The following CCDC30 variants were observed in gnomAD, a reference collection of about 807,000 sequenced individuals.
CCDC30 encodes coiled-coil domain containing 30.
CCDC30 carries 70 observed loss-of-function variants against 100.2 expected under a neutral mutation model. The ratio of observed to expected loss-of-function variants is 0.70; its 90% CI spans 0.58 to 0.85. The LOEUF (loss-of-function observed/expected upper bound fraction) is 0.85. Among genes scored for constraint, CCDC30 ranks in the 40% least tolerant of loss-of-function variants. CCDC30 has a pLI of 0.00. For synonymous variants in CCDC30, 233 were observed against 269.5 expected, an observed-to-expected ratio of 0.86 and a Z score of 1.33; for missense variants, 652 against 771.2, an observed-to-expected ratio of 0.85 and a Z score of 1.83.
At chr1:42,650,078 G>A (rs1473115933) in intron 15 of CCDC30, among the ~76,000 whole-genome samples, 1 of 152,070 alleles carries the variant, frequency 6.6e-6, no homozygotes, top group Non-Finnish European at 1.5e-5. Flanking sequence ...ATTTTTCGTA[G>A]AAATAGAAAA....
intron 6 of CCDC30, among the ~76,000 whole-genome samples, chr1:42,506,550 A>G (rs750604454): frequency 6.6e-6 from 1 of 152,216 alleles, no homozygotes; most frequent in Non-Finnish European, 1.5e-5. Flanking sequence ...TAGAAATCCC[A>G]TACAATTTTG....
intron 6 of CCDC30, among the ~76,000 whole-genome samples, chr1:42,540,678 C>CACAT (rs966778548): frequency 8.9e-6 from 1 of 111,748 alleles, no homozygotes; most frequent in Non-Finnish European, 2.1e-5. Flanking sequence ...CATACACATA[C>CACAT]ACACACACAC....
At chr1:42,539,283 AAG>A (rs774421706) in intron 6 of CCDC30, 6 of 1,601,012 alleles carry the variant, frequency 3.7e-6, no homozygotes, top group Non-Finnish European at 5.1e-6. Flanking sequence ...ACCTGTTACA[AAG>A]AGAGAATTCT....
chr1:42,504,512 C>T (rs893000127), intron 6 of CCDC30, among the ~76,000 whole-genome samples: 7 of 152,202 alleles, frequency 4.6e-5, no homozygotes, highest in Admixed American at 2.6e-4. Context: ...CTGTCTGCAG[C>T]ACCATTTGGA....
At position 42,547,384 on chromosome 1, in the gene CCDC30, T is replaced by A. The variant is rs115675750; in HGVS notation, c.457-18912T>A. On this transcript the variant is annotated intron_variant, in intron 6 of 16. Coordinates refer to ENST00000668663, the Ensembl canonical transcript of CCDC30. ...AGTGATAGATGAAGAGATGGTTGCC[T>A]ACATTGAGTAAGTGGCAATGAAGAT... 7.1e-3 allele frequency among the ~76,000 whole-genome samples: 1,087 copies of A among 152,344 alleles called. 16 individuals are homozygous for A. Among genetic ancestry groups the A allele is most frequent in the African/African-American group, 0.025 (1,026 of 41,588 alleles).
rs564664283 is a variant in CCDC30, at chr1:42,620,245, T to C, written c.1277+9155T>C. 9.2e-5 allele frequency among the ~76,000 whole-genome samples: 14 copies of C among 151,430 alleles called. No individual in the cohort carries two copies. In the South Asian group the frequency reaches 2.7e-3, roughly 29 times the overall value. ...CAGATGCTGAGGTCTACTTGAGGAGTAGGGGAAGAGAGAGAGGAGTAGAAA... is the reference window on the plus strand; with the variant it reads ...CAGATGCTGAGGTCTACTTGAGGAGCAGGGGAAGAGAGAGAGGAGTAGAAA... On this transcript the variant is annotated intron_variant, in intron 11 of 16. Transcript: ENST00000668663.
At chr1:42,570,574 C>T (rs762643037) in intron 7 of CCDC30, among the ~76,000 whole-genome samples, 29 of 152,098 alleles carry the variant, frequency 1.9e-4, no homozygotes, top group Admixed American at 7.9e-4. Flanking sequence ...ATAATCCCAT[C>T]ACCTTACCAC....
intron 10 of CCDC30, among the ~76,000 whole-genome samples, chr1:42,607,787 C>T (rs1646533079): frequency 6.6e-6 from 1 of 152,166 alleles, no homozygotes; most frequent in Admixed American, 6.5e-5. Flanking sequence ...AGCTGTCAGT[C>T]ATTTCATTGT....
intron 6 of CCDC30, among the ~76,000 whole-genome samples, chr1:42,539,999 G>A (rs1324425529): frequency 6.6e-6 from 1 of 151,936 alleles, no homozygotes; most frequent in Admixed American, 6.6e-5. Flanking sequence ...AAGGTTGCCT[G>A]TATAATTTCT....
At chr1:42,624,462 G>C (rs184515813) in intron 11 of CCDC30, among the ~76,000 whole-genome samples, 2 of 151,862 alleles carry the variant, frequency 1.3e-5, no homozygotes, top group Non-Finnish European at 2.9e-5. Context: ...ATGTATTATC[G>C]AATTCCATTT....
chr1:42,473,011 A>G, intron 1 of CCDC30: 1 of 1,001,142 alleles, frequency 1.0e-6, no homozygotes. Context: ...CTAGTACCCT[A>G]AAGACTAGTA....
chr1:42,504,380 T>G (rs1397755062), intron 6 of CCDC30, among the ~76,000 whole-genome samples: 5 of 152,198 alleles, frequency 3.3e-5, no homozygotes, highest in African/African-American at 9.6e-5. Flanking sequence ...ACACCTGTTA[T>G]CAAGGGGTTT....
intron 10 of CCDC30, among the ~76,000 whole-genome samples, chr1:42,608,684 G>A (rs191580043): frequency 0.014 from 1,679 of 123,006 alleles, 32 homozygotes; most frequent in African/African-American, 0.052. Flanking sequence ...CAGCCTGGGC[G>A]ACAGACAGAG....
chr1:42,652,887 T>C (rs1459430702), intron 15 of CCDC30, among the ~76,000 whole-genome samples: 1 of 152,132 alleles, frequency 6.6e-6, no homozygotes, highest in Non-Finnish European at 1.5e-5. Context: ...GAGGAATAAA[T>C]GGGGAGTAGA....
At chr1:42,477,211 TA>T (rs1643893528) in intron 1 of CCDC30, among the ~76,000 whole-genome samples, 1 of 152,038 alleles carries the variant, frequency 6.6e-6, no homozygotes. Context: ...TTGTATGTCC[TA>T]CTGCCAACAT....
At chr1:42,561,695 T>C (rs1480099531) in intron 6 of CCDC30, among the ~76,000 whole-genome samples, 1 of 152,148 alleles carries the variant, frequency 6.6e-6, no homozygotes, top group African/African-American at 2.4e-5. Context: ...ATTTTATATT[T>C]AGAAAAACCC....
chr1:42,602,385 C>T (rs1646421264), intron 10 of CCDC30, among the ~76,000 whole-genome samples: 1 of 151,754 alleles, frequency 6.6e-6, no homozygotes, highest in African/African-American at 2.4e-5. Context: ...AATTGATAGG[C>T]CTCTAGCCAG....
In CCDC30 at chr1:42,566,051, G is replaced by C. The variant is rs140058502; in HGVS notation, c.457-245G>C. On this transcript the variant is annotated intron_variant, in intron 6 of 16. Transcript: ENST00000668663. ...ATATGAAAAATAAGGTAAGTTGTCTGTGCCTAACTGCTTTTGTTAACATAA... is the reference window on the plus strand; with the variant it reads ...ATATGAAAAATAAGGTAAGTTGTCTCTGCCTAACTGCTTTTGTTAACATAA... 5.2e-3 allele frequency among the ~76,000 whole-genome samples: 796 copies of C among 152,190 alleles called. 7 individuals carry two copies. Among genetic ancestry groups the C allele is most frequent in the African/African-American group, 0.019 (769 of 41,504 alleles).
chr1:42,580,539 G>A (rs954091617), intron 8 of CCDC30, among the ~76,000 whole-genome samples: 1 of 152,070 alleles, frequency 6.6e-6, no homozygotes, highest in Non-Finnish European at 1.5e-5. Flanking sequence ...TACTATGTAC[G>A]AGGCACAATT....
Sources: allele counts gnomAD v4.1 joint callset (sites outside exome capture counted in the v4.1 genomes callset), GRCh38; gene constraint gnomAD v4.1.1; transcripts MANE v1.5; gene names NCBI Gene and HGNC (gene_info 2026-07-23, HGNC 2026-07-21).